Variants in ZSCAN18 observed in about 807,000 individuals in gnomAD.
The protein encoded by ZSCAN18 is zinc finger and SCAN domain containing 18.
ZSCAN18 carries 16 observed loss-of-function variants against 31.1 expected under a neutral mutation model. The ratio of observed to expected loss-of-function variants is 0.51; its 90% CI spans 0.35 to 0.78. The LOEUF (loss-of-function observed/expected upper bound fraction) is 0.78, where lower values mean the gene tolerates loss of function less well. Ranked by LOEUF, ZSCAN18 falls within the 30% of genes least tolerant of loss-of-function variation. The probability of loss-of-function intolerance (pLI) is 0.01; values close to 1 mark genes in which losing one functional copy is unlikely to be tolerated. For synonymous variants in ZSCAN18, 375 were observed against 320.7 expected, an observed-to-expected ratio of 1.17 and a Z score of -1.81; for missense variants, 731 against 697.4, an observed-to-expected ratio of 1.05 and a Z score of -0.54.
intron 1 of ZSCAN18, among the ~76,000 whole-genome samples, chr19:58,114,577 CATACAT>C (rs1166439128): frequency 6.6e-6 from 1 of 152,006 alleles, no homozygotes; most frequent in Non-Finnish European, 1.5e-5. Flanking sequence ...ACAATATACA[CATACAT>C]ATATACATAC....
At chr19:58,088,581 G>A in intron 3 of ZSCAN18, 107 bp downstream of exon 3, 1 of 1,142,882 alleles carries the variant, frequency 8.7e-7, no homozygotes, top group Non-Finnish European at 1.2e-6. Flanking sequence ...ATGGACCATG[G>A]AGCCCCTGAC....
At chr19:58,114,134 G>A (rs2074710670) in intron 1 of ZSCAN18, among the ~76,000 whole-genome samples, 1 of 152,000 alleles carries the variant, frequency 6.6e-6, no homozygotes, top group African/African-American at 2.4e-5. Flanking sequence ...ACGGCATGGT[G>A]GCACGTGCCT....
At chr19:58,117,923 G>A (rs1434192982) in intron 1 of ZSCAN18, among the ~76,000 whole-genome samples, 2 of 151,786 alleles carry the variant, frequency 1.3e-5, no homozygotes, top group African/African-American at 2.4e-5. Flanking sequence ...CCGCACTGGG[G>A]AGAAGGGTAT....
intron 1 of ZSCAN18, chr19:58,092,575 CAAAAAAAAA>C: frequency 5.5e-6 from 1 of 183,200 alleles, no homozygotes; most frequent in Non-Finnish European, 6.8e-6. Flanking sequence ...GACTCTGTCT[CAAAAAAAAA>C]AAAAAAAAAA....
At chr19:58,102,230 G>C (rs1375195634), upstream of ZSCAN18, among the ~76,000 whole-genome samples, 1 of 152,022 alleles carries the variant, frequency 6.6e-6, no homozygotes, top group South Asian at 2.1e-4. Flanking sequence ...AGGCCGAGGT[G>C]GGCTGCTCAC....
intron 1 of ZSCAN18, among the ~76,000 whole-genome samples, chr19:58,109,603 T>G (rs1308477410): frequency 6.6e-6 from 1 of 152,162 alleles, no homozygotes; most frequent in Non-Finnish European, 1.5e-5. Flanking sequence ...CAAAAGTGAA[T>G]AAACTAAGAG....
At position 58,086,293 on chromosome 19, in the gene ZSCAN18, T is replaced by G. The variant is rs200371871; in HGVS notation, c.746-27A>C. 56 of 1,607,294 alleles carry G rather than the reference T, an allele frequency of 3.5e-5. No homozygotes were observed. The African/African-American group carries it at 6.4e-4, about 18-fold the overall frequency. On this transcript the variant is annotated intron_variant, in intron 5 of 6. Coordinates refer to ENST00000601144, the MANE Select transcript of ZSCAN18 (RefSeq NM_001145543.2). ...TGAGTGGGGTTAAAAACCAAAGAAATAAAAGGCATCAACACAGAGTGGCTG... is the reference window on the plus strand; with the variant it reads ...TGAGTGGGGTTAAAAACCAAAGAAAGAAAAGGCATCAACACAGAGTGGCTG...
chr19:58,101,033 C>T (rs1052258114), upstream of ZSCAN18, among the ~76,000 whole-genome samples: 2 of 152,058 alleles, frequency 1.3e-5, no homozygotes, highest in Non-Finnish European at 2.9e-5. Flanking sequence ...TCCGGGTTCT[C>T]GATTCCGTTC....
chr19:58,111,607 C>T (rs1568645493), intron 1 of ZSCAN18, among the ~76,000 whole-genome samples: 1 of 152,088 alleles, frequency 6.6e-6, no homozygotes, highest in African/African-American at 2.4e-5. Context: ...TCAAGCAATC[C>T]TCCCACCTTG....
chr19:58,089,587 C>T (rs562777482), intron 2 of ZSCAN18, among the ~76,000 whole-genome samples: 92 of 152,306 alleles, frequency 6.0e-4, no homozygotes, highest in African/African-American at 2.0e-3. Context: ...GATTGCGCCA[C>T]TGCGCTCCAG....
intron 1 of ZSCAN18, chr19:58,109,134 C>T: frequency 8.1e-7 from 1 of 1,229,010 alleles, no homozygotes; most frequent in Non-Finnish European, 1.0e-6. Flanking sequence ...TCAAATGCAC[C>T]TCTGGATTTC....
At chr19:58,096,859 G>A (rs1599989660) in intron 1 of ZSCAN18, among the ~76,000 whole-genome samples, 1 of 152,156 alleles carries the variant, frequency 6.6e-6, no homozygotes, top group Non-Finnish European at 1.5e-5. Flanking sequence ...CATGGAGTAA[G>A]GGTCGTCGTT....
intron 6 of ZSCAN18, chr19:58,085,764 C>G: frequency 3.2e-6 from 1 of 315,500 alleles, no homozygotes; most frequent in Non-Finnish European, 5.8e-6. Context: ...CGGCTGCCAG[C>G]GAAGAGAGTG....
chr19:58,112,967 A>AAAAAAAG (rs1448316399), intron 1 of ZSCAN18, among the ~76,000 whole-genome samples: 1 of 150,522 alleles, frequency 6.6e-6, no homozygotes, highest in Non-Finnish European at 1.5e-5. Flanking sequence ...AAAAAAAAAA[A>AAAAAAAG]AAGAATTTAA....
chr19:58,094,948 A>T (rs564312970), intron 1 of ZSCAN18, among the ~76,000 whole-genome samples: 1 of 150,316 alleles, frequency 6.7e-6, no homozygotes, highest in Non-Finnish European at 1.5e-5. Context: ...TCCCAGCTAC[A>T]TGGGAGGCTA....
At chr19:58,092,732 C>A (rs1568635113) in intron 1 of ZSCAN18, 2 of 984,286 alleles carry the variant, frequency 2.0e-6, no homozygotes, top group Non-Finnish European at 2.4e-6. Context: ...CAGAACAGAG[C>A]CATGCCGTGC....
At chr19:58,097,924 C>T in intron 1 of ZSCAN18, 1 of 983,652 alleles carries the variant, frequency 1.0e-6, no homozygotes, top group Middle Eastern at 5.2e-4. Flanking sequence ...TGCACTAGTT[C>T]CCTACCTGCC....
chr19:58,087,148 C>T, intron 4 of ZSCAN18, 140 bp from the exon 5 acceptor site: 1 of 988,696 alleles, frequency 1.0e-6, no homozygotes, highest in Non-Finnish European at 1.5e-6. Flanking sequence ...GAGGCAGCCC[C>T]CTTCGCACCA....
intron 1 of ZSCAN18, chr19:58,109,011 T>G (rs2074657786): frequency 4.1e-6 from 5 of 1,210,032 alleles, no homozygotes; most frequent in Middle Eastern, 6.5e-4. Flanking sequence ...AGAAACCTGT[T>G]GTTTGAGGAC....
Sources: allele counts gnomAD v4.1 joint callset (sites outside exome capture counted in the v4.1 genomes callset), GRCh38; gene constraint gnomAD v4.1.1; transcripts MANE v1.5; gene names NCBI Gene and HGNC (gene_info 2026-07-23, HGNC 2026-07-21).